The following SPATA17 variants were observed in gnomAD, a reference collection of about 807,000 sequenced individuals.
SPATA17 encodes the protein spermatogenesis associated 17.
In SPATA17, 53 loss-of-function variants were observed where a neutral mutation model predicts 62.2. That is an observed-to-expected ratio of 0.85 (90% CI 0.68 to 1.07). The LOEUF (loss-of-function observed/expected upper bound fraction) is 1.07, where lower values mean the gene tolerates loss of function less well. SPATA17 is among the 50% of genes least tolerant of loss of function. The probability of loss-of-function intolerance (pLI) is 0.00; values close to 1 mark genes in which losing one functional copy is unlikely to be tolerated. For missense variants in SPATA17, 466 were observed against 425.5 expected (o/e 1.10, Z -0.84); for synonymous variants, 146 against 146.8 (o/e 0.99, Z 0.04).
chr1:217,817,733 G>A (rs1422627765), intron 9 of SPATA17, among the ~76,000 whole-genome samples: 9 of 152,018 alleles, frequency 5.9e-5, no homozygotes, highest in East Asian at 1.9e-4. Context: ...GCTATATTAC[G>A]TAAGTCTAAT....
chr1:217,825,340 T>C (rs970525603), intron 9 of SPATA17, among the ~76,000 whole-genome samples: 5 of 151,878 alleles, frequency 3.3e-5, no homozygotes, highest in African/African-American at 1.2e-4. Context: ...ACAAGTAATA[T>C]ACATGTAAAA....
chr1:217,860,501 T>C (rs1233312361), intron 9 of SPATA17, among the ~76,000 whole-genome samples: 1 of 152,200 alleles, frequency 6.6e-6, no homozygotes, highest in Non-Finnish European at 1.5e-5. Flanking sequence ...CCAACTACAA[T>C]AATGAATTTG....
intron 9 of SPATA17, among the ~76,000 whole-genome samples, chr1:217,803,326 G>T (rs184819242): frequency 7.0e-4 from 106 of 152,222 alleles, no homozygotes; most frequent in Middle Eastern, 3.4e-3. Flanking sequence ...ACATAAAATT[G>T]TTTGCAAATG....
At chr1:217,640,268 G>A (rs1183319832) in intron 1 of SPATA17, among the ~76,000 whole-genome samples, 1 of 151,814 alleles carries the variant, frequency 6.6e-6, no homozygotes, top group Non-Finnish European at 1.5e-5. Context: ...CAAATCAAAG[G>A]CATAAAAATT....
chr1:217,827,490 C>T (rs780072713), intron 9 of SPATA17, among the ~76,000 whole-genome samples: 16 of 152,002 alleles, frequency 1.1e-4, no homozygotes, highest in Non-Finnish European at 1.8e-4. Flanking sequence ...GATTTAGAAC[C>T]GGAAACACAT....
At chr1:217,757,516 T>C (rs1294611313) in intron 6 of SPATA17, among the ~76,000 whole-genome samples, 1 of 152,184 alleles carries the variant, frequency 6.6e-6, no homozygotes, top group East Asian at 1.9e-4. Flanking sequence ...AATCAACTCC[T>C]TTCCTGATGC....
At chr1:217,733,550 A>T (rs1299163252) in intron 5 of SPATA17, among the ~76,000 whole-genome samples, 1 of 152,214 alleles carries the variant, frequency 6.6e-6, no homozygotes, top group Non-Finnish European at 1.5e-5. Flanking sequence ...ACATTCTGAT[A>T]AATTATCAGC....
intron 6 of SPATA17, among the ~76,000 whole-genome samples, chr1:217,744,428 A>C (rs897174534): frequency 2.6e-5 from 1 of 38,884 alleles, no homozygotes; most frequent in Non-Finnish European, 9.0e-5. Context: ...CCGCCACTGC[A>C]CTCCAGCCTG....
At chr1:217,858,491 A>G (rs1338866555) in intron 9 of SPATA17, among the ~76,000 whole-genome samples, 3 of 152,220 alleles carry the variant, frequency 2.0e-5, no homozygotes, top group Non-Finnish European at 4.4e-5. Context: ...CTGTGCTTCT[A>G]TTTTCTAGAA....
At chr1:217,698,266 T>A (rs1671507719) in intron 5 of SPATA17, among the ~76,000 whole-genome samples, 1 of 152,120 alleles carries the variant, frequency 6.6e-6, no homozygotes. Context: ...AAACCCTGTC[T>A]CTACTAAAAA....
chr1:217,792,215 G>T (rs1674009935), intron 8 of SPATA17, among the ~76,000 whole-genome samples: 1 of 152,188 alleles, frequency 6.6e-6, no homozygotes, highest in Non-Finnish European at 1.5e-5. Flanking sequence ...ATATGGTCTG[G>T]ATGGTGTGGT....
intron 4 of SPATA17, among the ~76,000 whole-genome samples, chr1:217,676,830 G>C (rs1019897488): frequency 5.3e-5 from 8 of 152,114 alleles, no homozygotes; most frequent in South Asian, 2.1e-4. Flanking sequence ...TAGTTTCAAA[G>C]ATCTATGAGG....
chr1:217,858,739 T>C (rs1223520320), intron 9 of SPATA17, among the ~76,000 whole-genome samples: 1 of 151,858 alleles, frequency 6.6e-6, no homozygotes, highest in Non-Finnish European at 1.5e-5. Flanking sequence ...AATAATAAAA[T>C]AAAATTATAG....
intron 5 of SPATA17, among the ~76,000 whole-genome samples, chr1:217,706,051 C>A (rs1671725939): frequency 6.6e-6 from 1 of 152,138 alleles, no homozygotes; most frequent in South Asian, 2.1e-4. Flanking sequence ...ACTCTCTATT[C>A]AGTTCCATTG....
chr1:217,690,098 T>G (rs917344739), intron 5 of SPATA17, among the ~76,000 whole-genome samples: 3 of 152,122 alleles, frequency 2.0e-5, no homozygotes, highest in African/African-American at 7.2e-5. Context: ...AGACAGGGTT[T>G]CACCATATTG....
intron 3 of SPATA17, among the ~76,000 whole-genome samples, chr1:217,658,766 A>G (rs1489574103): frequency 6.6e-6 from 1 of 152,090 alleles, no homozygotes; most frequent in Non-Finnish European, 1.5e-5. Flanking sequence ...TCAAAAAATC[A>G]TAATAATAAT....
intron 1 of SPATA17, among the ~76,000 whole-genome samples, chr1:217,640,859 C>T (rs1215262108): frequency 1.3e-5 from 2 of 151,650 alleles, no homozygotes; most frequent in Non-Finnish European, 2.9e-5. Flanking sequence ...TGTAAAAATA[C>T]ATAGAGATAC....
intron 5 of SPATA17, among the ~76,000 whole-genome samples, chr1:217,708,125 C>G (rs1671778100): frequency 6.6e-6 from 1 of 152,098 alleles, no homozygotes; most frequent in Non-Finnish European, 1.5e-5. Flanking sequence ...AATTAATAAC[C>G]TCAGATTGCA....
intron 2 of SPATA17, among the ~76,000 whole-genome samples, chr1:217,649,343 G>A (rs1036786154): frequency 6.6e-6 from 1 of 152,090 alleles, no homozygotes; most frequent in Non-Finnish European, 1.5e-5. Flanking sequence ...GCCGGGCATG[G>A]TGGTGCACAT....
Sources: allele counts gnomAD v4.1 joint callset (sites outside exome capture counted in the v4.1 genomes callset), GRCh38; gene constraint gnomAD v4.1.1; transcripts MANE v1.5; gene names NCBI Gene and HGNC (gene_info 2026-07-23, HGNC 2026-07-21).